The following KIAA1549L variants were observed in gnomAD, a reference collection of about 807,000 sequenced individuals.
KIAA1549L encodes KIAA1549 like, also known as UPF0606 protein KIAA1549L.
Under a neutral mutation model 160.7 loss-of-function variants are expected in KIAA1549L, and 88 were observed. The ratio of observed to expected loss-of-function variants is 0.55; its 90% confidence interval spans 0.46 to 0.65. The LOEUF is 0.65. Ranked by LOEUF, KIAA1549L falls within the 30% of genes least tolerant of loss-of-function variation. The probability of loss-of-function intolerance (pLI) is 0.00; values close to 1 mark genes in which losing one functional copy is unlikely to be tolerated. For missense variants in KIAA1549L, 2,258 were observed against 2,437.5 expected, an observed-to-expected ratio of 0.93 and a Z score of 1.55; for synonymous variants, 950 against 976.7, an observed-to-expected ratio of 0.97 and a Z score of 0.51.
chr11:33,598,190 T>TTGTGTG (rs57343190), intron 12 of KIAA1549L, among the ~76,000 whole-genome samples: 4,698 of 135,140 alleles, frequency 0.035, 144 homozygotes, highest in African/African-American at 0.08. Context: ...GAGAGAATGT[T>TTGTGTG]TGTGTGTGTG....
chr11:33,563,459 G>A (rs950067941), intron 8 of KIAA1549L, among the ~76,000 whole-genome samples: 1 of 151,874 alleles, frequency 6.6e-6, no homozygotes, highest in East Asian at 1.9e-4. Flanking sequence ...AAGCAGCCTG[G>A]TCCCAAACCT....
rs561323560 is a variant in KIAA1549L at position 33,672,101 on chromosome 11, C to A, written c.*3947C>A. 6.6e-6 allele frequency: 1 copy of A among 152,362 alleles called. No individual in the cohort carries two copies. Among genetic ancestry groups the A allele is most frequent in the African/African-American group, 2.4e-5 (1 of 41,586 alleles). 9.4% of individuals were successfully genotyped at this position (152,362 alleles called of 1,614,324 possible). A position where few individuals can be genotyped will look rare whatever the true frequency, so the allele number is the denominator to read the frequency against. ...AGGGACATTTCACAAACACAGAACACGGCTCCCCTACAGGAAAGGGATGGA... is the reference window on the plus strand; with the variant it reads ...AGGGACATTTCACAAACACAGAACAAGGCTCCCCTACAGGAAAGGGATGGA... On this transcript the variant is annotated 3_prime_UTR_variant, in exon 21 of 21. Coordinates refer to ENST00000658780, the MANE Select transcript of KIAA1549L (RefSeq NM_012194.3).
intron 1 of KIAA1549L, among the ~76,000 whole-genome samples, chr11:33,506,973 A>G (rs1853105916): frequency 6.6e-6 from 1 of 152,100 alleles, no homozygotes; most frequent in Non-Finnish European, 1.5e-5. Flanking sequence ...CCCAGGTTTG[A>G]GGCTCTTTGG....
At chr11:33,482,559 A>G (rs1226342696) in intron 1 of KIAA1549L, among the ~76,000 whole-genome samples, 3 of 147,774 alleles carry the variant, frequency 2.0e-5, no homozygotes, top group East Asian at 2.0e-4. Flanking sequence ...CTATCTTTGC[A>G]TATGCTATAC....
At chr11:33,624,742 T>C (rs1052497964) in intron 16 of KIAA1549L, among the ~76,000 whole-genome samples, 3 of 151,034 alleles carry the variant, frequency 2.0e-5, no homozygotes, top group African/African-American at 7.4e-5. Context: ...CTTTTTTTTT[T>C]TTTTAATTTT....
intron 13 of KIAA1549L, among the ~76,000 whole-genome samples, chr11:33,601,638 G>C (rs11032314): frequency 6.6e-6 from 1 of 152,104 alleles, no homozygotes; most frequent in Non-Finnish European, 1.5e-5. Context: ...TTGTCTTATG[G>C]CTTAGTATCT....
chr11:33,612,787 C>T (rs1312100116), intron 15 of KIAA1549L, among the ~76,000 whole-genome samples: 7 of 152,244 alleles, frequency 4.6e-5, no homozygotes, highest in South Asian at 2.1e-4. Flanking sequence ...ACCCCAGTGT[C>T]GGTTGTTCCA....
At chr11:33,548,292 G>C (rs988956632) in intron 4 of KIAA1549L, among the ~76,000 whole-genome samples, 6 of 152,014 alleles carry the variant, frequency 3.9e-5, no homozygotes, top group Non-Finnish European at 7.4e-5. Flanking sequence ...CCAGCTACTC[G>C]GGAGGCTGAG....
chr11:33,607,095 C>T (rs146686386), intron 14 of KIAA1549L, among the ~76,000 whole-genome samples: 4 of 152,240 alleles, frequency 2.6e-5, no homozygotes, highest in East Asian at 1.9e-4. Context: ...AAGCATCAGG[C>T]GTCCTGCTCC....
chr11:33,642,914 G>A (rs367769789), intron 16 of KIAA1549L, among the ~76,000 whole-genome samples: 88 of 152,326 alleles, frequency 5.8e-4, no homozygotes, highest in African/African-American at 1.9e-3. Context: ...TGAATGCCAA[G>A]TGCCTGTGCT....
intron 11 of KIAA1549L, among the ~76,000 whole-genome samples, chr11:33,587,589 C>T (rs1026936900): frequency 2.6e-5 from 4 of 152,216 alleles, no homozygotes; most frequent in Admixed American, 2.6e-4. Flanking sequence ...ACCAAACATA[C>T]ACAGGGATTG....
Position 33,641,612 on chromosome 11 carries a change from A to G in KIAA1549L, c.5410-4074A>G, listed in dbSNP as rs1411359355. ...TATATATATATATATATATATATAT[A>G]TATATATATATATATATATATACAC... On this transcript the variant is annotated intron_variant, in intron 16 of 20. Coordinates refer to ENST00000658780, the MANE Select transcript of KIAA1549L (RefSeq NM_012194.3). Among the ~76,000 whole-genome samples the G allele has an allele frequency of 3.1e-3, 168 of 54,894 alleles. 5 individuals carry two copies. The highest frequency in any genetic ancestry group is 0.017 in the African/African-American group (157 of 9,458). 36.0% of individuals were successfully genotyped at this position (54,894 alleles called of 152,430 possible).
intron 20 of KIAA1549L, among the ~76,000 whole-genome samples, chr11:33,664,168 C>G (rs555644496): frequency 1.3e-5 from 2 of 152,324 alleles, no homozygotes; most frequent in East Asian, 3.9e-4. Flanking sequence ...AAATCAAAGT[C>G]CCAACTTGTA....
chr11:33,569,190 T>A, intron 9 of KIAA1549L, among the ~76,000 whole-genome samples: 1 of 152,226 alleles, frequency 6.6e-6, no homozygotes, highest in East Asian at 1.9e-4. Context: ...GTAGAGATTC[T>A]AAACCTTTCT....
At chr11:33,471,514 C>A (rs190894490) in intron 1 of KIAA1549L, among the ~76,000 whole-genome samples, 1 of 152,284 alleles carries the variant, frequency 6.6e-6, no homozygotes, top group East Asian at 1.9e-4. Context: ...CCAGATCTCC[C>A]TATTCCTATC....
chr11:33,411,117 C>T (rs965130838), intron 1 of KIAA1549L, among the ~76,000 whole-genome samples: 2 of 152,118 alleles, frequency 1.3e-5, no homozygotes, highest in Non-Finnish European at 2.9e-5. Context: ...CAGGTGTTCC[C>T]AAATGCTGGT....
At position 33,551,092 on chromosome 11, in the gene KIAA1549L, A is replaced by AAG; in HGVS notation, c.3555_3556dup (p.Gly1186GlufsTer11). 1 of 1,613,996 alleles carries AAG rather than the reference A, an allele frequency of 6.2e-7. No individual in the cohort carries two copies. Among genetic ancestry groups the AAG allele is most frequent in the Non-Finnish European group, 8.5e-7 (1 of 1,179,874 alleles). The stretch of plus-strand genomic sequence containing the variant: ...GTCACAGTTGGTTATTATGCTACCA[A>AAG]AGGGAAGTTGGTGTATTTGCCTGCT... On this transcript the variant is annotated frameshift_variant, in exon 5 of 21. Transcript: ENST00000658780. LOFTEE classifies it high-confidence loss of function.
intron 13 of KIAA1549L, among the ~76,000 whole-genome samples, chr11:33,602,132 T>G (rs769773486): frequency 8.5e-5 from 13 of 152,214 alleles, no homozygotes; most frequent in Non-Finnish European, 1.5e-4. Context: ...CTTTAAAGTA[T>G]GCCCCCTTCC....
chr11:33,566,489 G>T (rs551749774), intron 8 of KIAA1549L, among the ~76,000 whole-genome samples: 3 of 152,306 alleles, frequency 2.0e-5, no homozygotes, highest in Admixed American at 6.5e-5. Flanking sequence ...ACAACTCTTT[G>T]TTTTATGAAT....
Sources: allele counts gnomAD v4.1 joint callset (sites outside exome capture counted in the v4.1 genomes callset), GRCh38; gene constraint gnomAD v4.1.1; transcripts MANE v1.5; gene names NCBI Gene and HGNC (gene_info 2026-07-23, HGNC 2026-07-21).